TEAD1: variants seen among roughly 807,000 people sequenced by gnomAD.
TEAD1 encodes TEA domain transcription factor 1, also known as transcriptional enhancer factor TEF-1.
In TEAD1, 9 loss-of-function variants were observed where a neutral mutation model predicts 54.9. That is an observed-to-expected ratio of 0.16 (90% CI 0.10 to 0.29). The LOEUF (loss-of-function observed/expected upper bound fraction) is 0.29, where lower values mean the gene tolerates loss of function less well. Among genes scored for constraint, TEAD1 ranks in the 10% least tolerant of loss-of-function variants. The probability of loss-of-function intolerance (pLI) is 1.00; values close to 1 mark genes in which losing one functional copy is unlikely to be tolerated. For synonymous variants in TEAD1, 200 were observed against 187.8 expected (o/e 1.07, Z -0.53); for missense variants, 387 against 535.9 (o/e 0.72, Z 2.74).
intron 3 of TEAD1, among the ~76,000 whole-genome samples, chr11:12,779,443 C>A (rs1945500041): frequency 6.6e-6 from 1 of 152,210 alleles, no homozygotes; most frequent in Non-Finnish European, 1.5e-5. Context: ...TTTGCCACTT[C>A]ACTGGCTGTG....
chr11:12,783,128 G>GTGTGTT (rs1945596611), intron 3 of TEAD1, among the ~76,000 whole-genome samples: 1 of 148,072 alleles, frequency 6.8e-6, no homozygotes, highest in African/African-American at 2.6e-5. Context: ...GTGTGTGTGT[G>GTGTGTT]TGTGTGCGCG....
intron 3 of TEAD1, among the ~76,000 whole-genome samples, chr11:12,835,339 AGGTT>A (rs1011511189): frequency 6.6e-6 from 1 of 151,876 alleles, no homozygotes; most frequent in African/African-American, 2.4e-5. Context: ...TTTGGCTCTG[AGGTT>A]GGTTGGTTGG....
intron 5 of TEAD1, chr11:12,878,807 ATATG>A: frequency 1.1e-6 from 1 of 876,886 alleles, no homozygotes; most frequent in Non-Finnish European, 1.6e-6. Context: ...ACACATATAT[ATATG>A]TTTTTTTTTT....
At chr11:12,719,952 T>TTG in intron 2 of TEAD1, among the ~76,000 whole-genome samples, 1 of 21,574 alleles carries the variant, frequency 4.6e-5, no homozygotes, top group Non-Finnish European at 9.0e-5. Flanking sequence ...ATCTAATGTT[T>TTG]TTTTTTTTTT....
intron 3 of TEAD1, among the ~76,000 whole-genome samples, chr11:12,826,404 C>T (rs1453984169): frequency 6.6e-6 from 1 of 152,134 alleles, no homozygotes; most frequent in Non-Finnish European, 1.5e-5. Context: ...TTACACTTTC[C>T]CTGTCAACTC....
At chr11:12,702,264 G>A (rs536558637) in intron 2 of TEAD1, among the ~76,000 whole-genome samples, 86 of 152,288 alleles carry the variant, frequency 5.6e-4, no homozygotes, top group African/African-American at 2.0e-3. Flanking sequence ...CCACAGCGGT[G>A]CAGGGTAAGA....
rs139213945 is a variant in TEAD1 at position 12,717,475 on chromosome 11, A to G, written c.-55+41914A>G. On this transcript the variant is annotated intron_variant, in intron 2 of 12. Transcript: ENST00000527636. Reference sequence around the variant, plus strand: ...AGAAATCACTCCTGGATGGAGAATCAAGTTTGCATGTGTGCCCTGTAGCAT... The same window carrying G: ...AGAAATCACTCCTGGATGGAGAATCGAGTTTGCATGTGTGCCCTGTAGCAT... Among the ~76,000 whole-genome samples the G allele has an allele frequency of 5.0e-3, 755 of 152,288 alleles. 6 individuals are homozygous for G. The highest frequency in any genetic ancestry group is 0.018 in the African/African-American group (727 of 41,538).
intron 2 of TEAD1, among the ~76,000 whole-genome samples, chr11:12,698,648 C>A (rs1350583941): frequency 6.6e-6 from 1 of 152,030 alleles, no homozygotes; most frequent in African/African-American, 2.4e-5. Context: ...TTGATTCTAG[C>A]CCCGTGTCTC....
chr11:12,720,499 T>C (rs1029845173), intron 2 of TEAD1, among the ~76,000 whole-genome samples: 2 of 152,182 alleles, frequency 1.3e-5, no homozygotes, highest in East Asian at 3.9e-4. Context: ...TTTAAATGTA[T>C]TATTTAATTA....
At chr11:12,863,121 CTT>C (rs1166961674) in intron 4 of TEAD1, among the ~76,000 whole-genome samples, 1 of 152,134 alleles carries the variant, frequency 6.6e-6, no homozygotes, top group African/African-American at 2.4e-5. Flanking sequence ...CAGCATGAAC[CTT>C]AAAAACTGTA....
At chr11:12,746,546 G>A (rs1944747935) in intron 2 of TEAD1, among the ~76,000 whole-genome samples, 1 of 152,248 alleles carries the variant, frequency 6.6e-6, no homozygotes, top group African/African-American at 2.4e-5. Flanking sequence ...ATGAGGTACT[G>A]AAGAAGCTGT....
chr11:12,817,847 A>T (rs930904119), intron 3 of TEAD1, among the ~76,000 whole-genome samples: 2 of 152,130 alleles, frequency 1.3e-5, no homozygotes. Context: ...CAGTCCTCTG[A>T]CTCATGTCAG....
chr11:12,864,617 T>TTTTTGTTTTGTTTTG (rs78050843), intron 4 of TEAD1: 46,507 of 954,292 alleles, frequency 0.049, 2,323 homozygotes, highest in South Asian at 0.076. Flanking sequence ...TTGATTTCCT[T>TTTTTGTTTTGTTTTG]TTTTGTTTTG....
intron 10 of TEAD1, chr11:12,921,182 C>T (rs1029352616): frequency 4.6e-5 from 7 of 152,002 alleles, no homozygotes; most frequent in African/African-American, 7.3e-5. Flanking sequence ...GGGTTCATGC[C>T]CATTTTACAG....
chr11:12,772,186 C>G (rs1945325983), intron 3 of TEAD1, among the ~76,000 whole-genome samples: 1 of 152,214 alleles, frequency 6.6e-6, no homozygotes, highest in Non-Finnish European at 1.5e-5. Flanking sequence ...TTTATGTTCA[C>G]TTTCTACCTA....
chr11:12,709,753 T>G (rs905095420), intron 2 of TEAD1, among the ~76,000 whole-genome samples: 2 of 152,112 alleles, frequency 1.3e-5, no homozygotes, highest in African/African-American at 2.4e-5. Context: ...GAACTCCTGG[T>G]CGTTAACCCA....
rs60042137 is a variant in TEAD1, at chr11:12,908,883, G to GTTTTTTT, written c.873+6777_873+6783dup. The stretch of plus-strand genomic sequence containing the variant: ...TATGTCAGTATACTTCAAATTATCT[G>GTTTTTTT]TTTTTTTTTTTTTGAGACAGTGTTG... On this transcript the variant is annotated intron_variant, in intron 10 of 12. Coordinates refer to ENST00000527636, the MANE Select transcript of TEAD1 (RefSeq NM_021961.6). 9.9e-3 allele frequency among the ~76,000 whole-genome samples: 982 copies of GTTTTTTT among 99,646 alleles called. 47 individuals carry two copies. Among genetic ancestry groups the GTTTTTTT allele is most frequent in the African/African-American group, 0.025 (771 of 31,366 alleles). The allele number at this position is 99,646 out of a possible 152,430, so 65.4% of individuals were successfully genotyped here.
chr11:12,916,419 A>G (rs1948713431), intron 10 of TEAD1, among the ~76,000 whole-genome samples: 1 of 152,164 alleles, frequency 6.6e-6, no homozygotes, highest in African/African-American at 2.4e-5. Flanking sequence ...GAAAGGTGTC[A>G]GTGTCTCTAG....
chr11:12,815,998 C>T (rs574184790), intron 3 of TEAD1, among the ~76,000 whole-genome samples: 3 of 152,274 alleles, frequency 2.0e-5, no homozygotes, highest in Non-Finnish European at 4.4e-5. Flanking sequence ...GACTGAGGTC[C>T]TTTTAGGTTT....
Sources: allele counts gnomAD v4.1 joint callset (sites outside exome capture counted in the v4.1 genomes callset), GRCh38; gene constraint gnomAD v4.1.1; transcripts MANE v1.5; gene names NCBI Gene and HGNC (gene_info 2026-07-23, HGNC 2026-07-21).